The following RASAL2 variants were observed in gnomAD, a reference collection of about 807,000 sequenced individuals.
The protein encoded by RASAL2 is ras GTPase-activating protein nGAP.
A neutral mutation model predicts 128.9 loss-of-function variants in RASAL2; 58 were observed. The observed-to-expected ratio is 0.45, with a 90% confidence interval of 0.36 to 0.56. RASAL2 has a LOEUF of 0.56. Ranked by LOEUF, RASAL2 falls within the 20% of genes least tolerant of loss-of-function variation. The pLI, the probability that RASAL2 is intolerant of heterozygous loss-of-function variation, is 0.00. For missense variants in RASAL2, 1,360 were observed against 1,601.6 expected, an observed-to-expected ratio of 0.85 and a Z score of 2.57; for synonymous variants, 561 against 580.8, an observed-to-expected ratio of 0.97 and a Z score of 0.49.
At chr1:178,350,967 G>C (rs980267618) in intron 3 of RASAL2, among the ~76,000 whole-genome samples, 2 of 152,124 alleles carry the variant, frequency 1.3e-5, no homozygotes, top group Admixed American at 1.3e-4. Flanking sequence ...TCTGCTTCTG[G>C]GGAAGTCTCA....
At chr1:178,442,408 G>A (rs10913552) in intron 7 of RASAL2, among the ~76,000 whole-genome samples, 34,331 of 151,682 alleles carry the variant, frequency 0.23, 6,772 homozygotes, top group African/African-American at 0.54. Flanking sequence ...AAAACTTACC[G>A]TTACAAAATG....
chr1:178,214,444 A>T (rs1006037028), intron 1 of RASAL2, among the ~76,000 whole-genome samples: 2 of 152,228 alleles, frequency 1.3e-5, no homozygotes, highest in Non-Finnish European at 2.9e-5. Flanking sequence ...AAAATACCTG[A>T]ATGCTAAGCC....
chr1:178,177,929 C>T (rs984336491), intron 1 of RASAL2, among the ~76,000 whole-genome samples: 5 of 152,040 alleles, frequency 3.3e-5, no homozygotes, highest in Admixed American at 1.3e-4. Flanking sequence ...AAAGCATTTC[C>T]CCTCTTGATA....
intron 5 of RASAL2, among the ~76,000 whole-genome samples, chr1:178,420,954 G>T (rs1675105392): frequency 6.6e-6 from 1 of 152,076 alleles, no homozygotes; most frequent in African/African-American, 2.4e-5. Context: ...GATTATGATA[G>T]CTAAACAATT....
intron 1 of RASAL2, among the ~76,000 whole-genome samples, chr1:178,203,867 T>C (rs1380077279): frequency 6.6e-6 from 1 of 152,148 alleles, no homozygotes; most frequent in Non-Finnish European, 1.5e-5. Flanking sequence ...TACTCTGTGA[T>C]TAAGGTCAAT....
intron 4 of RASAL2, among the ~76,000 whole-genome samples, chr1:178,407,576 T>A (rs944652952): frequency 6.6e-6 from 1 of 152,182 alleles, no homozygotes. Flanking sequence ...AGGGTGGCAT[T>A]TTCTTACTGT....
chr1:178,428,282 A>G (rs1195682598), intron 5 of RASAL2, among the ~76,000 whole-genome samples: 4 of 151,960 alleles, frequency 2.6e-5, no homozygotes, highest in Non-Finnish European at 5.9e-5. Context: ...TTTCCCTTCT[A>G]TGGGGTAAAT....
intron 3 of RASAL2, among the ~76,000 whole-genome samples, chr1:178,310,973 T>TCCAAAATG (rs1358436127): frequency 6.6e-6 from 1 of 152,086 alleles, no homozygotes; most frequent in African/African-American, 2.4e-5. Context: ...AGTAGAGTAC[T>TCCAAAATG]CCAAAATGTG....
intron 2 of RASAL2, among the ~76,000 whole-genome samples, chr1:178,285,359 A>T (rs2102221426): frequency 6.6e-6 from 1 of 151,610 alleles, no homozygotes; most frequent in South Asian, 2.1e-4. Context: ...TGACCTCATG[A>T]TCCACCCGCC....
intron 4 of RASAL2, among the ~76,000 whole-genome samples, chr1:178,403,459 T>C (rs1055190830): frequency 1.4e-4 from 22 of 152,108 alleles, no homozygotes; most frequent in African/African-American, 5.1e-4. Flanking sequence ...GAATATAAAA[T>C]AGGAACAGAA....
chr1:178,190,354 G>GA (rs1662449976), intron 1 of RASAL2, among the ~76,000 whole-genome samples: 1 of 152,148 alleles, frequency 6.6e-6, no homozygotes, highest in Non-Finnish European at 1.5e-5. Flanking sequence ...ACAGTTAGAG[G>GA]AAAAGAGGTA....
chr1:178,192,453 G>A (rs545673344), intron 1 of RASAL2, among the ~76,000 whole-genome samples: 4 of 152,308 alleles, frequency 2.6e-5, no homozygotes, highest in African/African-American at 9.6e-5. Context: ...AATACAGAAT[G>A]CTTTTCAAAT....
At chr1:178,445,756 G>A (rs1572088881) in intron 9 of RASAL2, 94 bp downstream of exon 9, 1 of 1,316,854 alleles carries the variant, frequency 7.6e-7, no homozygotes. Context: ...AATTCTGCAT[G>A]TTATTTAGTT....
intron 1 of RASAL2, among the ~76,000 whole-genome samples, chr1:178,259,858 C>G (rs961440587): frequency 5.3e-5 from 8 of 152,148 alleles, no homozygotes; most frequent in Non-Finnish European, 7.3e-5. Context: ...GTCACTCCCC[C>G]CTGCATGTTT....
chr1:178,402,402 T>TA (rs144428410), intron 4 of RASAL2, among the ~76,000 whole-genome samples: 40 of 140,242 alleles, frequency 2.9e-4, no homozygotes, highest in East Asian at 1.4e-3. Context: ...AGACTTCATC[T>TA]AAAAAAAAAA....
At chr1:178,142,757 T>G (rs1333093923) in intron 1 of RASAL2, among the ~76,000 whole-genome samples, 3 of 152,192 alleles carry the variant, frequency 2.0e-5, no homozygotes, top group Non-Finnish European at 2.9e-5. Context: ...ATTTTCACTC[T>G]GTAAACCTCG....
At chr1:178,104,041 A>C (rs1436594141) in intron 1 of RASAL2, among the ~76,000 whole-genome samples, 1 of 151,992 alleles carries the variant, frequency 6.6e-6, no homozygotes, top group Admixed American at 6.6e-5. Flanking sequence ...TTGGGGGACA[A>C]AAAAAAGAGT....
chr1:178,309,761 G>A (rs930947799), intron 3 of RASAL2, among the ~76,000 whole-genome samples: 6 of 152,084 alleles, frequency 3.9e-5, no homozygotes. Flanking sequence ...ATAAAACTAG[G>A]TTTCAAATAC....
intron 5 of RASAL2, among the ~76,000 whole-genome samples, chr1:178,423,343 C>A (rs1240648958): frequency 6.6e-6 from 1 of 152,062 alleles, no homozygotes; most frequent in Non-Finnish European, 1.5e-5. Flanking sequence ...TGTATGTTAT[C>A]AAATTTTCCT....
Sources: gnomAD v4.1 joint callset for allele counts (sites outside exome capture counted in the v4.1 genomes callset) on GRCh38, gnomAD v4.1.1 for gene constraint, MANE v1.5 for transcripts, NCBI Gene and HGNC (gene_info 2026-07-23, HGNC 2026-07-21) for gene names.